Variants in RALGAPB observed in about 807,000 individuals in gnomAD.
RALGAPB encodes the protein ral GTPase-activating protein subunit beta.
RALGAPB carries 25 observed loss-of-function variants against 161.1 expected under a neutral mutation model. The observed-to-expected ratio is 0.16, with a 90% CI of 0.11 to 0.22. The LOEUF (loss-of-function observed/expected upper bound fraction) is 0.22. Ranked by LOEUF, RALGAPB falls within the 10% of genes least tolerant of loss-of-function variation. The probability of loss-of-function intolerance (pLI) is 1.00; values close to 1 mark genes in which losing one functional copy is unlikely to be tolerated. For synonymous variants in RALGAPB, 629 were observed against 626.1 expected, an observed-to-expected ratio of 1.00 and a Z score of -0.07; for missense variants, 1,391 against 1,815.2, an observed-to-expected ratio of 0.77 and a Z score of 4.25.
At chr20:38,566,868 G>C (rs527428099) in intron 25 of RALGAPB, among the ~76,000 whole-genome samples, 28 of 152,242 alleles carry the variant, frequency 1.8e-4, no homozygotes, top group African/African-American at 6.5e-4. Context: ...ATTCTTAAAG[G>C]GTTATAAATA....
intron 23 of RALGAPB, among the ~76,000 whole-genome samples, chr20:38,558,791 TTGG>T (rs1424917918): frequency 6.6e-6 from 1 of 152,220 alleles, no homozygotes; most frequent in African/African-American, 2.4e-5. Context: ...TAATGAACTG[TTGG>T]TGGTGACACA....
chr20:38,514,146 C>G (rs2086057668), intron 6 of RALGAPB, among the ~76,000 whole-genome samples: 2 of 152,206 alleles, frequency 1.3e-5, no homozygotes, highest in Admixed American at 1.3e-4. Context: ...TACTAGGCTC[C>G]ATGAAGCAGC....
rs1319693043 is a variant in RALGAPB at position 38,578,615 on chromosome 20, A to C, written c.*3648A>C. ...TTGTATGAATTTCAGTATGTTGCCA[A>C]GACATGATTTTTTCTTATTGTATTT... On this transcript the variant is annotated 3_prime_UTR_variant, in exon 30 of 30. Coordinates refer to ENST00000262879, the MANE Select transcript of RALGAPB (RefSeq NM_020336.4). 1 of 152,636 alleles carries C rather than the reference A, an allele frequency of 6.6e-6. No individual in the cohort carries two copies. Among genetic ancestry groups the C allele is most frequent in the African/African-American group, 2.4e-5 (1 of 41,436 alleles). The allele number at this position is 152,636 out of a possible 1,614,324, so 9.5% of individuals were successfully genotyped here. A position where few individuals can be genotyped will look rare whatever the true frequency, so the allele number is the denominator to read the frequency against.
At chr20:38,563,461 C>A (rs2087863898) in intron 24 of RALGAPB, among the ~76,000 whole-genome samples, 2 of 152,228 alleles carry the variant, frequency 1.3e-5, no homozygotes, top group Non-Finnish European at 2.9e-5. Flanking sequence ...AGCTGACCAT[C>A]TCTGAGGATT....
intron 1 of RALGAPB, among the ~76,000 whole-genome samples, chr20:38,480,904 A>AT (rs1207460175): frequency 3.1e-4 from 46 of 149,210 alleles, no homozygotes; most frequent in African/African-American, 1.0e-3. Context: ...CGCCCGGCTA[A>AT]TTTTTTTTTG....
At chr20:38,569,798 C>G (rs1301946371) in intron 26 of RALGAPB, 90 bp from the exon 27 acceptor site, 10 of 945,732 alleles carry the variant, frequency 1.1e-5, no homozygotes, top group African/African-American at 3.3e-5. Context: ...CACTGAGCAC[C>G]TTGACAAATG....
At position 38,567,244 on chromosome 20, in the gene RALGAPB, T is replaced by C. The variant is rs2088038244; in HGVS notation, c.3954+12T>C. On this transcript the variant is annotated intron_variant, in intron 26 of 29. Coordinates refer to ENST00000262879, the MANE Select transcript of RALGAPB (RefSeq NM_020336.4). Reference sequence around the variant, plus strand: ...ATTCCTCACAGAGGGTAAGTTACTTTGTTGATAGGTCTCCAAAATTTTGTA... The same window carrying C: ...ATTCCTCACAGAGGGTAAGTTACTTCGTTGATAGGTCTCCAAAATTTTGTA... 3.1e-6 allele frequency: 5 copies of C among 1,605,218 alleles called. No individual in the cohort carries two copies. Among genetic ancestry groups the C allele is most frequent in the Non-Finnish European group, 1.7e-6 (2 of 1,176,286 alleles).
intron 1 of RALGAPB, among the ~76,000 whole-genome samples, chr20:38,475,297 C>G (rs534805323): frequency 6.6e-6 from 1 of 152,096 alleles, no homozygotes; most frequent in African/African-American, 2.4e-5. Flanking sequence ...GGAGAGAGGA[C>G]GTTAAGTACT....
At chr20:38,534,307 G>A (rs1054330769) in intron 15 of RALGAPB, 3 of 152,544 alleles carry the variant, frequency 2.0e-5, no homozygotes, top group African/African-American at 7.2e-5. Context: ...AAGAAATCCT[G>A]ATTTGTGTTA....
At chr20:38,501,792 A>G (rs1165138806) in intron 5 of RALGAPB, among the ~76,000 whole-genome samples, 2 of 152,186 alleles carry the variant, frequency 1.3e-5, no homozygotes, top group African/African-American at 4.8e-5. Flanking sequence ...ATTTTTCTCA[A>G]TTAAAAATAG....
chr20:38,512,008 C>T (rs948223347), intron 6 of RALGAPB, among the ~76,000 whole-genome samples: 6 of 152,196 alleles, frequency 3.9e-5, no homozygotes, highest in African/African-American at 1.4e-4. Flanking sequence ...TTTCTAAGAG[C>T]ATGTCTTTTT....
chr20:38,505,897 A>C (rs1340043632), intron 5 of RALGAPB, among the ~76,000 whole-genome samples: 1 of 152,188 alleles, frequency 6.6e-6, no homozygotes, highest in Non-Finnish European at 1.5e-5. Flanking sequence ...AAAAAAGTTG[A>C]CAATTCTTTA....
intron 5 of RALGAPB, 65 bp downstream of exon 5, chr20:38,499,698 A>T (rs533464312): frequency 1.4e-6 from 2 of 1,453,526 alleles, no homozygotes; most frequent in Admixed American, 2.3e-5. Context: ...TCTGGCATTC[A>T]TGGAATACAT....
chr20:38,550,986 G>T (rs1367120359), intron 20 of RALGAPB, 85 bp from the exon 21 acceptor site: 4 of 1,436,394 alleles, frequency 2.8e-6, no homozygotes, highest in Non-Finnish European at 3.8e-6. Context: ...GGAAACACAG[G>T]CATCTAAGAG....
chr20:38,536,146 G>A (rs553782227), intron 16 of RALGAPB, among the ~76,000 whole-genome samples: 9 of 152,022 alleles, frequency 5.9e-5, no homozygotes, highest in Non-Finnish European at 1.2e-4. Context: ...TTCAGTCTCC[G>A]CACCCCCTCC....
intron 5 of RALGAPB, among the ~76,000 whole-genome samples, chr20:38,502,606 G>A (rs1459276882): frequency 2.0e-5 from 3 of 151,536 alleles, no homozygotes; most frequent in Non-Finnish European, 2.9e-5. Context: ...TTTTTTGTTT[G>A]AGACAGTCTC....
At chr20:38,527,224 A>T (rs2086498341) in intron 13 of RALGAPB, among the ~76,000 whole-genome samples, 1 of 152,206 alleles carries the variant, frequency 6.6e-6, no homozygotes, top group South Asian at 2.1e-4. Flanking sequence ...CAAAAGTGGG[A>T]TCAGACATTC....
chr20:38,490,864 C>T (rs562438044), intron 2 of RALGAPB, among the ~76,000 whole-genome samples: 12 of 152,274 alleles, frequency 7.9e-5, no homozygotes, highest in Non-Finnish European at 1.0e-4. Flanking sequence ...AGGCTGGTCT[C>T]GAACTCCTGA....
intron 5 of RALGAPB, among the ~76,000 whole-genome samples, chr20:38,506,186 T>C (rs2123002065): frequency 6.6e-6 from 1 of 152,312 alleles, no homozygotes; most frequent in South Asian, 2.1e-4. Context: ...AAATACTAAA[T>C]TATTTTATGT....
Sources: allele counts gnomAD v4.1 joint callset (sites outside exome capture counted in the v4.1 genomes callset), GRCh38; gene constraint gnomAD v4.1.1; transcripts MANE v1.5; gene names NCBI Gene and HGNC (gene_info 2026-07-23, HGNC 2026-07-21).